IQANK1: variants seen among roughly 807,000 people sequenced by gnomAD.
The protein encoded by IQANK1 is IQ motif and ankyrin repeat containing 1.
IQANK1 carries 30 observed loss-of-function variants against 22.6 expected under a neutral mutation model. That is an observed-to-expected ratio of 1.33 (90% confidence interval 0.99 to 1.80). The LOEUF is 1.80. Ranked by LOEUF, IQANK1 falls within the 40% of genes most tolerant of loss-of-function variation. The probability of loss-of-function intolerance (pLI) is 0.00; values close to 1 mark genes in which losing one functional copy is unlikely to be tolerated. For synonymous variants in IQANK1, 122 were observed against 99.6 expected, an observed-to-expected ratio of 1.23 and a Z score of -1.34; for missense variants, 275 against 235.2, an observed-to-expected ratio of 1.17 and a Z score of -1.11.
At chr8:143,764,531 G>T (rs1206218441) in intron 3 of IQANK1, among the ~76,000 whole-genome samples, 3 of 151,878 alleles carry the variant, frequency 2.0e-5, no homozygotes, top group African/African-American at 7.3e-5. Context: ...AGCCTGGGGA[G>T]GTCAAGGCTG....
At chr8:143,740,122 C>T (rs1309646242) in intron 3 of IQANK1, among the ~76,000 whole-genome samples, 174 bp downstream of exon 3, 1 of 152,080 alleles carries the variant, frequency 6.6e-6, no homozygotes, top group African/African-American at 2.4e-5. Flanking sequence ...GCGCTCGGCG[C>T]AGGCCCGCGA....
chr8:143,748,749 T>TC (rs1554627573), intron 3 of IQANK1, among the ~76,000 whole-genome samples: 3 of 107,736 alleles, frequency 2.8e-5, no homozygotes, highest in African/African-American at 1.2e-4. Flanking sequence ...TATAAATATA[T>TC]ATCATATAAA....
At chr8:143,738,621 AGCGCAGCAGCCAGAGTGCCTGCTGT>A (rs1209118114) in intron 2 of IQANK1, among the ~76,000 whole-genome samples, 1 of 152,212 alleles carries the variant, frequency 6.6e-6, no homozygotes, top group Non-Finnish European at 1.5e-5. Context: ...TGGAGGAGGC[AGCGCAGCAGCCAGAGTGCCTGCTGT>A]GCGCAGCAAC....
intron 7 of IQANK1, 137 bp downstream of exon 7, chr8:143,772,619 C>A (rs929590975): frequency 2.5e-6 from 1 of 396,530 alleles, no homozygotes; most frequent in Non-Finnish European, 4.4e-6. Flanking sequence ...GGAAGGCTCA[C>A]CCGACCGGCT....
At chr8:143,780,693 G>A (rs1263311621) in intron 7 of IQANK1, among the ~76,000 whole-genome samples, 1 of 152,136 alleles carries the variant, frequency 6.6e-6, no homozygotes, top group Non-Finnish European at 1.5e-5. Context: ...TCCACGGTGT[G>A]CATGTACCAC....
intron 7 of IQANK1, among the ~76,000 whole-genome samples, chr8:143,773,323 AAAC>A (rs1224387309): frequency 1.5e-4 from 21 of 137,934 alleles, no homozygotes; most frequent in East Asian, 8.7e-4. Context: ...AAAACAAAAA[AAAC>A]ACAAAAAAAA....
chr8:143,789,442 C>A lies in IQANK1; in HGVS notation c.1000C>A (p.Gln334Lys). The change falls in exon 10 of 14, where the codon CAG (glutamine) becomes AAG (lysine). Residue 334 changes from glutamine (Q) to lysine (K), a missense_variant. By Grantham distance (53) the Gln-to-Lys change is moderately conservative (BLOSUM62 1). Coordinates refer to ENST00000527139, the MANE Select transcript of IQANK1 (RefSeq NM_001381874.1). ...EQQQCHKELQ[Q>K]AYCELSRRIS... ...TGCCCGTACGCCCACCCAGCTGCAA[C>A]AGGCCTACTGTGAGCTTAGCCGGAG... is the stretch of plus-strand genomic sequence containing the variant. 8.1e-7 allele frequency: 1 copy of A among 1,229,734 alleles called. No individual in the cohort carries two copies. Among genetic ancestry groups the A allele is most frequent in the Non-Finnish European group, 1.0e-6 (1 of 985,834 alleles). The allele number at this position is 1,229,734 out of a possible 1,614,324, so 76.2% of individuals were successfully genotyped here.
rs530419960 is a variant in IQANK1, at chr8:143,757,936, A to G, written c.176-13552A>G. On this transcript the variant is annotated intron_variant, in intron 3 of 13. Transcript: ENST00000527139. ...AATGTCATTTCTTACTGAGGCATTC[A>G]AGGTATTTGCTACTCTGTGTTCATT... Among the ~76,000 whole-genome samples, 122 of 152,164 alleles carry G rather than the reference A, an allele frequency of 8.0e-4. 1 individual carries two copies. The highest frequency in any genetic ancestry group is 2.8e-3 in the African/African-American group (118 of 41,506).
chr8:143,779,885 A>C (rs1335808424), intron 7 of IQANK1, among the ~76,000 whole-genome samples: 2 of 152,178 alleles, frequency 1.3e-5, no homozygotes, highest in Non-Finnish European at 2.9e-5. Flanking sequence ...AAGTTACAAA[A>C]TCATTGCCTC....
chr8:143,739,782 GC>G, intron 2 of IQANK1, 76 bp from the exon 3 acceptor site: 2 of 609,240 alleles, frequency 3.3e-6, no homozygotes, highest in South Asian at 3.7e-5. Flanking sequence ...CCCTTTCGGT[GC>G]CCCATAAGTG....
rs2129907860 is a variant in IQANK1 at position 143,771,704 on chromosome 8, G to A, written c.306+86G>A. On this transcript the variant is annotated intron_variant, in intron 4 of 13. Transcript: ENST00000527139. The surrounding 1 kb of genome is among the most constrained non-coding windows in gnomAD (Gnocchi z 6.0). ...AAGCAGGGTGCGTGGTGGGGGTGAG[G>A]CTCAGATCGGGCTCCGACCTCAGAG... 5.0e-6 allele frequency: 2 copies of A among 397,602 alleles called. No homozygotes were observed. The highest frequency in any genetic ancestry group is 3.6e-5 in the East Asian group (1 of 27,940). 24.6% of individuals were successfully genotyped at this position (397,602 alleles called of 1,614,324 possible).
At chr8:143,777,718 G>T (rs59316811) in intron 7 of IQANK1, among the ~76,000 whole-genome samples, 35,932 of 151,696 alleles carry the variant, frequency 0.24, 4,614 homozygotes, top group East Asian at 0.51. Flanking sequence ...AAAAGAGTTG[G>T]AGCTAATAAG....
chr8:143,748,821 A>T (rs574574231), intron 3 of IQANK1, among the ~76,000 whole-genome samples: 1 of 109,036 alleles, frequency 9.2e-6, no homozygotes, highest in African/African-American at 3.9e-5. Flanking sequence ...TAAATATATA[A>T]ATATATATTT....
At chr8:143,783,957 A>G (rs1554631134) in intron 7 of IQANK1, among the ~76,000 whole-genome samples, 1 of 152,202 alleles carries the variant, frequency 6.6e-6, no homozygotes, top group Admixed American at 6.5e-5. Context: ...GTCAATACCC[A>G]TGTCTTGACT....
chr8:143,774,359 A>C lies in IQANK1; in HGVS notation c.789+1877A>C, dbSNP rs983384596. On this transcript the variant is annotated intron_variant, in intron 7 of 13. Coordinates refer to ENST00000527139, the MANE Select transcript of IQANK1 (RefSeq NM_001381874.1). The surrounding 1 kb of genome is among the most constrained non-coding windows in gnomAD (Gnocchi z 4.2). Reference sequence around the variant, plus strand: ...AAACTCACATCGCAAACAACAATGAAACATACAATCTAGGTATAAAATGAG... The same window carrying C: ...AAACTCACATCGCAAACAACAATGACACATACAATCTAGGTATAAAATGAG... Among the ~76,000 whole-genome samples the C allele has an allele frequency of 1.9e-4, 29 of 152,218 alleles. No homozygotes were observed. The highest frequency in any genetic ancestry group is 6.0e-4 in the African/African-American group (25 of 41,446).
At chr8:143,766,169 C>T (rs552526213) in intron 3 of IQANK1, among the ~76,000 whole-genome samples, 6 of 152,126 alleles carry the variant, frequency 3.9e-5, no homozygotes, top group Non-Finnish European at 7.3e-5. Context: ...ATCACATTTC[C>T]ATATATTTAT....
At chr8:143,751,933 T>C (rs890824997) in intron 3 of IQANK1, among the ~76,000 whole-genome samples, 1 of 151,378 alleles carries the variant, frequency 6.6e-6, no homozygotes, top group Non-Finnish European at 1.5e-5. Context: ...TTTGCCAGTT[T>C]TTTTTTTCTT....
intron 3 of IQANK1, among the ~76,000 whole-genome samples, chr8:143,756,933 G>A (rs1230795896): frequency 2.0e-5 from 3 of 151,630 alleles, no homozygotes; most frequent in Admixed American, 6.6e-5. Context: ...AGCTGTGATC[G>A]CGCCACTGCA....
In IQANK1 at chr8:143,736,008, A is replaced by C. The variant is rs144615661; in HGVS notation, c.85+70A>C. On this transcript the variant is annotated intron_variant, in intron 2 of 13. Transcript: ENST00000527139. Reference sequence around the variant, plus strand: ...GACCTGTGAGACCTTCTATGTAGCCACCGAGAGACACCCCCTCTGAGGAGA... The same window carrying C: ...GACCTGTGAGACCTTCTATGTAGCCCCCGAGAGACACCCCCTCTGAGGAGA... The C allele has an allele frequency of 2.2e-3, 1,499 of 694,360 alleles. 14 individuals are homozygous for C. Among genetic ancestry groups the C allele is most frequent in the African/African-American group, 0.02 (1,137 of 57,008 alleles). 43.0% of individuals were successfully genotyped at this position (694,360 alleles called of 1,614,324 possible).
Sources: allele counts gnomAD v4.1 joint callset (sites outside exome capture counted in the v4.1 genomes callset), GRCh38; gene constraint gnomAD v4.1.1; non-coding constraint Gnocchi (gnomAD v3.1); transcripts MANE v1.5; gene names NCBI Gene and HGNC (gene_info 2026-07-23, HGNC 2026-07-21).